Variants in PLGRKT observed in about 807,000 individuals in gnomAD.
PLGRKT encodes plasminogen receptor (KT).
A neutral mutation model predicts 18.5 loss-of-function variants in PLGRKT; 22 were observed. The observed-to-expected ratio is 1.19, with a 90% confidence interval of 0.85 to 1.70. The LOEUF is 1.70. PLGRKT is among the 40% of genes most tolerant of loss of function. The probability of loss-of-function intolerance (pLI) is 0.00; values close to 1 mark genes in which losing one functional copy is unlikely to be tolerated. For missense variants in PLGRKT, 235 were observed against 174.4 expected, an observed-to-expected ratio of 1.35 and a Z score of -1.96; for synonymous variants, 72 against 52.8, an observed-to-expected ratio of 1.36 and a Z score of -1.58.
chr9:5,363,158 G>A (rs920112392), intron 3 of PLGRKT, among the ~76,000 whole-genome samples: 1 of 151,884 alleles, frequency 6.6e-6, no homozygotes, highest in Non-Finnish European at 1.5e-5. Flanking sequence ...ACATAAGCCA[G>A]TGGCTGGGTG....
intron 3 of PLGRKT, among the ~76,000 whole-genome samples, chr9:5,377,330 T>C: frequency 6.6e-6 from 1 of 152,062 alleles, no homozygotes; most frequent in East Asian, 1.9e-4. Flanking sequence ...TGGTAATCTT[T>C]TCTTCTTTCC....
chr9:5,381,798 G>C, intron 3 of PLGRKT: 1 of 786,374 alleles, frequency 1.3e-6, no homozygotes, highest in Non-Finnish European at 1.5e-6. Flanking sequence ...TAGAAACATG[G>C]CCAACAATTG....
At chr9:5,366,384 G>A (rs1817387068) in intron 3 of PLGRKT, among the ~76,000 whole-genome samples, 2 of 152,116 alleles carry the variant, frequency 1.3e-5, no homozygotes, top group African/African-American at 4.8e-5. Flanking sequence ...TAAAAGAAAT[G>A]TAGACCTTTT....
intron 3 of PLGRKT, among the ~76,000 whole-genome samples, chr9:5,364,422 G>A (rs371689425): frequency 1.4e-4 from 22 of 152,152 alleles, no homozygotes; most frequent in South Asian, 6.2e-4. Context: ...TGGTACTATC[G>A]TGGTGGATAC....
intron 3 of PLGRKT, among the ~76,000 whole-genome samples, chr9:5,428,625 A>G (rs754347286): frequency 6.6e-6 from 1 of 152,232 alleles, no homozygotes; most frequent in Non-Finnish European, 1.5e-5. Context: ...TGGAGACAGC[A>G]TAATCTCTTG....
Position 5,370,372 on chromosome 9 carries a change from T to C in PLGRKT, c.82-8484A>G, listed in dbSNP as rs372283502. Among the ~76,000 whole-genome samples, 111 of 152,324 alleles carry C rather than the reference T, an allele frequency of 7.3e-4. 1 individual carries two copies. In the South Asian group the frequency reaches 0.023, roughly 31 times the overall value. On this transcript the variant is annotated intron_variant, in intron 3 of 5. Transcript: ENST00000223864. ...AAAATAGTAAAGTTATTAAATTTCA[T>C]TTGGACACACAAAACATTGTATAAC...
At chr9:5,432,111 C>G (rs961237238) in intron 2 of PLGRKT, 128 bp from the exon 3 acceptor site, 2 of 586,630 alleles carry the variant, frequency 3.4e-6, no homozygotes, top group African/African-American at 3.7e-5. Context: ...TCTAGGAACA[C>G]AGTGTGGATT....
At chr9:5,423,333 T>G (rs952983683) in intron 3 of PLGRKT, among the ~76,000 whole-genome samples, 1 of 152,226 alleles carries the variant, frequency 6.6e-6, no homozygotes, top group Non-Finnish European at 1.5e-5. Context: ...AATGTTGTAA[T>G]GCCAAAGGAA....
chr9:5,389,683 G>C (rs1817911000), intron 3 of PLGRKT, among the ~76,000 whole-genome samples: 1 of 151,788 alleles, frequency 6.6e-6, no homozygotes, highest in Non-Finnish European at 1.5e-5. Context: ...TCTCAGAAGG[G>C]GCTGGGAATT....
At chr9:5,368,648 G>C (rs1385635467) in intron 3 of PLGRKT, among the ~76,000 whole-genome samples, 1 of 152,054 alleles carries the variant, frequency 6.6e-6, no homozygotes, top group Non-Finnish European at 1.5e-5. Context: ...TCACCATTTG[G>C]GTGATGGAAT....
intron 3 of PLGRKT, among the ~76,000 whole-genome samples, chr9:5,407,674 C>T (rs889759538): frequency 6.6e-6 from 1 of 151,884 alleles, no homozygotes; most frequent in African/African-American, 2.4e-5. Flanking sequence ...AATTCTGAAG[C>T]ATTGCTTTGC....
chr9:5,435,165 G>T (rs967418443), intron 2 of PLGRKT, among the ~76,000 whole-genome samples: 2 of 152,068 alleles, frequency 1.3e-5, no homozygotes, highest in African/African-American at 4.8e-5. Context: ...CAAGTACCCA[G>T]GGACACAAAC....
rs916255264 is a variant in PLGRKT at position 5,407,512 on chromosome 9, C to T, written c.81+24385G>A. Among the ~76,000 whole-genome samples the T allele has an allele frequency of 2.0e-5, 3 of 152,120 alleles. No individual in the cohort carries two copies. The East Asian group carries it at 5.8e-4, about 29-fold the overall frequency. On this transcript the variant is annotated intron_variant, in intron 3 of 5. Transcript: ENST00000223864. ...TATAACCTTATTGACTAGCACAGGG[C>T]CTGGCATATTGTCAGGGCTTTAAAA... is the stretch of plus-strand genomic sequence containing the variant.
intron 3 of PLGRKT, among the ~76,000 whole-genome samples, chr9:5,427,452 T>A (rs1292249062): frequency 1.3e-5 from 2 of 152,226 alleles, no homozygotes; most frequent in Non-Finnish European, 2.9e-5. Flanking sequence ...TATTAAGATC[T>A]ACAGTACGAT....
chr9:5,413,401 T>G (rs141396666), intron 3 of PLGRKT, among the ~76,000 whole-genome samples: 1 of 151,922 alleles, frequency 6.6e-6, no homozygotes, highest in Non-Finnish European at 1.5e-5. Context: ...AAAAAGGACT[T>G]TGTAGATCTG....
intron 3 of PLGRKT, among the ~76,000 whole-genome samples, chr9:5,395,264 G>T (rs1818023397): frequency 6.6e-6 from 1 of 151,804 alleles, no homozygotes; most frequent in Non-Finnish European, 1.5e-5. Context: ...CTTTTATTAG[G>T]ATTTGAGTAA....
intron 3 of PLGRKT, among the ~76,000 whole-genome samples, chr9:5,430,655 T>A (rs1046952158): frequency 6.6e-6 from 1 of 152,196 alleles, no homozygotes; most frequent in Non-Finnish European, 1.5e-5. Context: ...GTCACACAGT[T>A]AGTCAAGGGT....
intron 3 of PLGRKT, among the ~76,000 whole-genome samples, chr9:5,373,377 G>A (rs1298273484): frequency 6.6e-6 from 1 of 152,152 alleles, no homozygotes; most frequent in Non-Finnish European, 1.5e-5. Context: ...TCCAAATAAT[G>A]ACCACATTCT....
chr9:5,418,630 A>T lies in PLGRKT; in HGVS notation c.81+13267T>A. ...GTTCCTGGGCAGCAGGTGGCGGCTC[A>T]TATCTCCGGGCAGCAGCGCGTGCTC... On this transcript the variant is annotated intron_variant, in intron 3 of 5. Coordinates refer to ENST00000223864, the MANE Select transcript of PLGRKT (RefSeq NM_018465.4). The surrounding 1 kb of genome is among the most constrained non-coding windows in gnomAD (Gnocchi z 4.2). The T allele has an allele frequency of 1.4e-6, 1 of 709,608 alleles. No homozygotes were observed. Among genetic ancestry groups the T allele is most frequent in the Non-Finnish European group, 2.6e-6 (1 of 379,530 alleles). 44.0% of individuals were successfully genotyped at this position (709,608 alleles called of 1,614,324 possible). A position where few individuals can be genotyped will look rare whatever the true frequency, so the allele number is the denominator to read the frequency against.
Sources: gnomAD v4.1 joint callset for allele counts (sites outside exome capture counted in the v4.1 genomes callset) on GRCh38, gnomAD v4.1.1 for gene constraint, Gnocchi (gnomAD v3.1) non-coding constraint, MANE v1.5 for transcripts, NCBI Gene and HGNC (gene_info 2026-07-23, HGNC 2026-07-21) for gene names.